LIN54: variants seen among roughly 807,000 people sequenced by gnomAD.
LIN54 encodes protein lin-54 homolog.
A neutral mutation model predicts 78.7 loss-of-function variants in LIN54; 9 were observed. The ratio of observed to expected loss-of-function variants is 0.11; its 90% confidence interval spans 0.07 to 0.20. LIN54 has a LOEUF of 0.20. LIN54 is among the 10% of genes least tolerant of loss of function. The pLI is 1.00. For synonymous variants in LIN54, 269 were observed against 318.4 expected, an observed-to-expected ratio of 0.84 and a Z score of 1.65; for missense variants, 573 against 889.9, an observed-to-expected ratio of 0.64 and a Z score of 4.53.
rs1250305440 is a variant in LIN54 at position 82,931,024 on chromosome 4, G to A, written c.1967C>T (p.Thr656Ile). 1 of 1,614,206 alleles carries A rather than the reference G, an allele frequency of 6.2e-7. No homozygotes were observed. The change falls in exon 12 of 13, where the codon ACA (threonine) becomes ATA (isoleucine). Residue 656 changes from threonine (T) to isoleucine (I), a missense_variant. Coordinates refer to ENST00000340417, the MANE Select transcript of LIN54 (RefSeq NM_194282.4). The stretch of plus-strand genomic sequence containing the variant: ...AGAGGATAACTTCGTCTTGGCTGCT[G>A]TTTGTTGCTGTACCCTTACTTCAGC... Reference protein sequence around the residue: ...DAAEVRVQQQTAAKTKLSSQI... With the variant: ...DAAEVRVQQQIAAKTKLSSQI...
At chr4:82,985,461 T>C (rs972663073) in intron 1 of LIN54, among the ~76,000 whole-genome samples, 1 of 152,220 alleles carries the variant, frequency 6.6e-6, no homozygotes, top group African/African-American at 2.4e-5. Flanking sequence ...TGGTACAACT[T>C]TGACCAACTA....
intron 9 of LIN54, 142 bp downstream of exon 9, chr4:82,937,085 T>C (rs141255690): frequency 5.7e-6 from 4 of 696,924 alleles, no homozygotes; most frequent in South Asian, 1.6e-5. Context: ...CTGCCATATA[T>C]GTTCAAACAT....
At chr4:82,956,997 A>G (rs1380029743) in intron 4 of LIN54, among the ~76,000 whole-genome samples, 1 of 152,252 alleles carries the variant, frequency 6.6e-6, no homozygotes, top group Non-Finnish European at 1.5e-5. Flanking sequence ...TTTGGGTAAC[A>G]CAATCAATAG....
At chr4:82,992,004 T>C (rs1560783043) in intron 1 of LIN54, among the ~76,000 whole-genome samples, 1 of 152,222 alleles carries the variant, frequency 6.6e-6, no homozygotes, top group African/African-American at 2.4e-5. Flanking sequence ...GTTCTTATTT[T>C]TCAGGAAAAG....
intron 7 of LIN54, among the ~76,000 whole-genome samples, chr4:82,939,060 G>A (rs879490337): frequency 2.0e-4 from 30 of 152,226 alleles, no homozygotes; most frequent in Middle Eastern, 6.8e-3. Context: ...TTGTTTCCCC[G>A]TCTTTCATTC....
chr4:83,005,627 A>G (rs1363901758), intron 1 of LIN54, among the ~76,000 whole-genome samples: 3 of 92,064 alleles, frequency 3.3e-5, no homozygotes, highest in South Asian at 9.3e-4. Context: ...TCCATCTCAG[A>G]AAAAAAAAAA....
At chr4:82,949,340 G>A (rs773626824) in intron 4 of LIN54, among the ~76,000 whole-genome samples, 29 of 152,020 alleles carry the variant, frequency 1.9e-4, no homozygotes, top group Admixed American at 5.2e-4. Context: ...GGTACTTTGC[G>A]TATTTTTTAA....
At chr4:82,935,843 C>T (rs1296986229) in intron 11 of LIN54, 138 bp downstream of exon 11, 1 of 809,624 alleles carries the variant, frequency 1.2e-6, no homozygotes, top group Non-Finnish European at 2.0e-6. Flanking sequence ...CTTCCTAAAA[C>T]AAGGGCCTTT....
intron 4 of LIN54, among the ~76,000 whole-genome samples, chr4:82,959,979 C>T (rs2126060386): frequency 6.6e-6 from 1 of 152,278 alleles, no homozygotes; most frequent in East Asian, 1.9e-4. Context: ...TTCAACTTGG[C>T]AGAAGATAAA....
At chr4:82,937,936 G>C (rs1409659647) in intron 8 of LIN54, among the ~76,000 whole-genome samples, 3 of 152,138 alleles carry the variant, frequency 2.0e-5, no homozygotes, top group Non-Finnish European at 4.4e-5. Flanking sequence ...GTGGAGATTA[G>C]CCTGGGCAAT....
intron 1 of LIN54, among the ~76,000 whole-genome samples, chr4:83,004,564 A>G (rs1358063737): frequency 1.3e-5 from 2 of 152,128 alleles, no homozygotes; most frequent in African/African-American, 4.8e-5. Context: ...ATCATGGCTC[A>G]CTGCAGCCTC....
At chr4:82,985,859 T>C (rs1727087529) in intron 1 of LIN54, among the ~76,000 whole-genome samples, 1 of 151,852 alleles carries the variant, frequency 6.6e-6, no homozygotes, top group Non-Finnish European at 1.5e-5. Context: ...CCATTTAAAG[T>C]GTCAAAAAGA....
intron 1 of LIN54, chr4:83,003,368 T>C (rs1238109036): frequency 1.3e-5 from 2 of 152,164 alleles, no homozygotes; most frequent in Non-Finnish European, 2.9e-5. Context: ...AAACCAGTTA[T>C]AGAACTATAT....
intron 1 of LIN54, 22 bp from the exon 2 acceptor site, chr4:82,984,898 G>C (rs1726985629): frequency 6.8e-7 from 1 of 1,476,370 alleles, no homozygotes. Flanking sequence ...GTTGAAAAAT[G>C]AACAAGTTAC....
At chr4:82,999,642 G>A (rs1467679596) in intron 1 of LIN54, among the ~76,000 whole-genome samples, 2 of 151,852 alleles carry the variant, frequency 1.3e-5, no homozygotes, top group Non-Finnish European at 2.9e-5. Flanking sequence ...GCTGTGCACG[G>A]TGGTACACGC....
chr4:82,950,208 G>C (rs551478426), intron 4 of LIN54, among the ~76,000 whole-genome samples: 1 of 151,920 alleles, frequency 6.6e-6, no homozygotes, highest in Non-Finnish European at 1.5e-5. Context: ...CTTTTTTGAC[G>C]TGTTAGTCCA....
At chr4:82,966,119 C>T (rs372655162) in intron 4 of LIN54, among the ~76,000 whole-genome samples, 19 of 152,194 alleles carry the variant, frequency 1.2e-4, no homozygotes, top group African/African-American at 3.9e-4. Flanking sequence ...CTTTTCTTTT[C>T]GCTCTACATA....
At chr4:82,974,563 AC>A (rs1183556431) in intron 3 of LIN54, among the ~76,000 whole-genome samples, 1 of 151,408 alleles carries the variant, frequency 6.6e-6, no homozygotes, top group African/African-American at 2.4e-5. Flanking sequence ...GTGGTGAAAC[AC>A]CATCTCTACT....
chr4:82,996,683 C>T (rs1207431115), intron 1 of LIN54, among the ~76,000 whole-genome samples: 2 of 152,002 alleles, frequency 1.3e-5, no homozygotes, highest in Non-Finnish European at 2.9e-5. Context: ...GAATTACAGG[C>T]TTGAGCCACC....
Sources: gnomAD v4.1 joint callset for allele counts (sites outside exome capture counted in the v4.1 genomes callset) on GRCh38, gnomAD v4.1.1 for gene constraint, MANE v1.5 for transcripts, NCBI Gene and HGNC (gene_info 2026-07-23, HGNC 2026-07-21) for gene names.